The following RNF38 variants were observed in gnomAD, a reference collection of about 807,000 sequenced individuals.
The protein encoded by RNF38 is E3 ubiquitin-protein ligase RNF38.
A neutral mutation model predicts 67.2 loss-of-function variants in RNF38; 15 were observed. The ratio of observed to expected loss-of-function variants is 0.22; its 90% confidence interval spans 0.15 to 0.34. RNF38 has a LOEUF of 0.34. Ranked by LOEUF, RNF38 falls within the 10% of genes least tolerant of loss-of-function variation. The probability of loss-of-function intolerance (pLI) is 1.00; values close to 1 mark genes in which losing one functional copy is unlikely to be tolerated. For missense variants in RNF38, 524 were observed against 639.9 expected, an observed-to-expected ratio of 0.82 and a Z score of 1.95; for synonymous variants, 220 against 218.8, an observed-to-expected ratio of 1.01 and a Z score of -0.05.
Position 36,356,378 on chromosome 9 carries a change from G to A in RNF38, c.834C>T (p.His278=), listed in dbSNP as rs1834107854. 1 of 1,614,062 alleles carries A rather than the reference G, an allele frequency of 6.2e-7. No homozygotes were observed. Among genetic ancestry groups the A allele is most frequent in the African/African-American group, 1.3e-5 (1 of 75,010 alleles). ...SSDPFLIHPP[H]LSPHHPPHLP... Reference sequence around the variant, plus strand: ...AATGAGGAGGATGATGGGGAGAAAGGTGAGGAGGATGTATAAGAAATGGAT... The same window carrying A: ...AATGAGGAGGATGATGGGGAGAAAGATGAGGAGGATGTATAAGAAATGGAT... Residue 278 remains histidine, a synonymous_variant, in exon 6 of 12, where the codon CAC becomes CAT. Coordinates refer to ENST00000259605, the MANE Select transcript of RNF38 (RefSeq NM_022781.5).
At chr9:36,423,059 T>G (rs546320404) in intron 2 of RNF38, among the ~76,000 whole-genome samples, 1 of 152,212 alleles carries the variant, frequency 6.6e-6, no homozygotes, top group Non-Finnish European at 1.5e-5. Flanking sequence ...GCACAATCAC[T>G]TGTAACATTA....
chr9:36,367,057 C>T (rs771436010), intron 4 of RNF38, among the ~76,000 whole-genome samples: 1 of 152,132 alleles, frequency 6.6e-6, no homozygotes, highest in African/African-American at 2.4e-5. Flanking sequence ...GGGTATACAG[C>T]GACTTAAAGT....
intron 5 of RNF38, 84 bp downstream of exon 5, chr9:36,357,691 G>T: frequency 1.9e-6 from 2 of 1,059,676 alleles, no homozygotes; most frequent in Middle Eastern, 2.6e-4. Context: ...CTCTAAAGAG[G>T]GTAAGAGTCG....
chr9:36,380,623 G>C (rs1836144684), intron 2 of RNF38, among the ~76,000 whole-genome samples: 1 of 152,128 alleles, frequency 6.6e-6, no homozygotes, highest in Non-Finnish European at 1.5e-5. Context: ...CTCCCAAGTA[G>C]CTGGGACTAC....
chr9:36,355,421 G>A (rs1834027498), intron 6 of RNF38, among the ~76,000 whole-genome samples: 1 of 151,936 alleles, frequency 6.6e-6, no homozygotes, highest in Admixed American at 6.6e-5. Flanking sequence ...CAAAATAATA[G>A]GCCTCTCAAC....
chr9:36,485,188 AAAT>A (rs1468752093), intron 1 of RNF38, among the ~76,000 whole-genome samples: 2 of 152,138 alleles, frequency 1.3e-5, no homozygotes, highest in African/African-American at 4.8e-5. Context: ...ACAAACAAAT[AAAT>A]AATAAATAAA....
chr9:36,425,554 C>T (rs962336539), intron 1 of RNF38, among the ~76,000 whole-genome samples: 2 of 151,904 alleles, frequency 1.3e-5, no homozygotes, highest in East Asian at 1.9e-4. Context: ...ATTAGCCACG[C>T]GTGGTGGCGC....
Position 36,339,690 on chromosome 9 carries a change from G to A in RNF38, c.*62C>T. 2 of 1,333,570 alleles carry A rather than the reference G, an allele frequency of 1.5e-6. No homozygotes were observed. The highest frequency in any genetic ancestry group is 1.4e-5 in the African/African-American group (1 of 69,264). 82.6% of individuals were successfully genotyped at this position (1,333,570 alleles called of 1,614,324 possible). A position where few individuals can be genotyped will look rare whatever the true frequency, so the allele number is the denominator to read the frequency against. ...GGAAGCCACACAGATTAAGTTCAAT[G>A]GATAGTCCGTATATACATGTGATGA... On this transcript the variant is annotated 3_prime_UTR_variant, in exon 12 of 12. Coordinates refer to ENST00000259605, the MANE Select transcript of RNF38 (RefSeq NM_022781.5).
chr9:36,421,209 AG>A (rs1319404427), intron 2 of RNF38, among the ~76,000 whole-genome samples: 7 of 152,256 alleles, frequency 4.6e-5, no homozygotes. Flanking sequence ...CAACAAGCAA[AG>A]AATCAACACG....
At position 36,338,609 on chromosome 9, in the gene RNF38, TGAACACA is replaced by T. The variant is rs1468653216; in HGVS notation, c.*1136_*1142del. The stretch of plus-strand genomic sequence containing the variant: ...AACAATTGAGTTGCCCACAGGAGCT[TGAACACA>T]GAACACATATGAGAAGTCAAGCTGA... On this transcript the variant is annotated 3_prime_UTR_variant, in exon 12 of 12. Coordinates refer to ENST00000259605, the MANE Select transcript of RNF38 (RefSeq NM_022781.5). 1.1e-4 allele frequency: 16 copies of T among 152,338 alleles called. No homozygotes were observed. 9.4% of individuals were successfully genotyped at this position (152,338 alleles called of 1,614,324 possible). A position where few individuals can be genotyped will look rare whatever the true frequency, so the allele number is the denominator to read the frequency against.
chr9:36,400,429 A>G, upstream of RNF38: 1 of 1,101,512 alleles, frequency 9.1e-7, no homozygotes, highest in Non-Finnish European at 1.1e-6. Flanking sequence ...CCACCGCGGG[A>G]ACAAAGAGCG....
At chr9:36,417,252 G>A (rs968297661) in intron 2 of RNF38, among the ~76,000 whole-genome samples, 2 of 152,044 alleles carry the variant, frequency 1.3e-5, no homozygotes, top group Non-Finnish European at 1.5e-5. Context: ...GCGACAAGCC[G>A]CTTATTTCAA....
upstream of RNF38, chr9:36,400,589 C>A: frequency 1.0e-6 from 1 of 986,628 alleles, no homozygotes; most frequent in Non-Finnish European, 1.2e-6. Context: ...GGGCAGCTCC[C>A]GCGGATCCTC....
At chr9:36,440,607 GA>G (rs373221817) in intron 1 of RNF38, among the ~76,000 whole-genome samples, 2 of 150,494 alleles carry the variant, frequency 1.3e-5, no homozygotes, top group African/African-American at 2.4e-5. Context: ...CTGTTAAGTG[GA>G]AAAAAAAAGC....
intron 1 of RNF38, among the ~76,000 whole-genome samples, chr9:36,394,632 T>C (rs780779097): frequency 3.9e-5 from 6 of 152,218 alleles, no homozygotes; most frequent in Non-Finnish European, 5.9e-5. Context: ...CCCATCTTTA[T>C]ACACTGAACA....
At chr9:36,415,411 G>A (rs895503722) in intron 2 of RNF38, among the ~76,000 whole-genome samples, 1 of 151,714 alleles carries the variant, frequency 6.6e-6, no homozygotes, top group Non-Finnish European at 1.5e-5. Context: ...AGATTTTTTT[G>A]TCCGTATCTT....
At position 36,352,838 on chromosome 9, in the gene RNF38, G is replaced by T; in HGVS notation, c.1082C>A (p.Pro361Gln). 1 of 1,612,334 alleles carries T rather than the reference G, an allele frequency of 6.2e-7. No individual in the cohort carries two copies. The highest frequency in any genetic ancestry group is 2.2e-5 in the East Asian group (1 of 44,858). The change falls in exon 8 of 12, where the codon CCA (proline) becomes CAA (glutamine). Residue 361 changes from proline (P) to glutamine (Q), a missense_variant. Pro to Gln is a moderately conservative substitution (Grantham distance 76). Transcript: ENST00000259605. ...QEVSFGVPYPPFMPRRLTGRS... is the reference protein window; with the variant it reads ...QEVSFGVPYPQFMPRRLTGRS... ...TCCTGTAAGCCTCCGAGGCATAAAT[G>T]GAGGATAAGGCTGCAAGGGGAAAAA...
At chr9:36,478,078 A>G (rs75798378) in intron 1 of RNF38, among the ~76,000 whole-genome samples, 7,625 of 152,022 alleles carry the variant, frequency 0.05, 592 homozygotes, top group African/African-American at 0.17. Context: ...TAAGAAGAAA[A>G]TTTTCACTAA....
At chr9:36,434,790 A>C (rs1217382072) in intron 1 of RNF38, among the ~76,000 whole-genome samples, 1 of 152,208 alleles carries the variant, frequency 6.6e-6, no homozygotes, top group African/African-American at 2.4e-5. Flanking sequence ...ATCACGGTTT[A>C]TTGCATGCCT....
Sources: allele counts gnomAD v4.1 joint callset (sites outside exome capture counted in the v4.1 genomes callset), GRCh38; gene constraint gnomAD v4.1.1; transcripts MANE v1.5; gene names NCBI Gene and HGNC (gene_info 2026-07-23, HGNC 2026-07-21).